CNTN4: variants seen among roughly 807,000 people sequenced by gnomAD.
CNTN4 encodes the protein contactin 4.
A neutral mutation model predicts 122.5 loss-of-function variants in CNTN4; 77 were observed. The observed-to-expected ratio is 0.63, with a 90% confidence interval of 0.52 to 0.76. The LOEUF is 0.76. Ranked by LOEUF, CNTN4 falls within the 30% of genes least tolerant of loss-of-function variation. The pLI is 0.00. For synonymous variants in CNTN4, 512 were observed against 447.0 expected (o/e 1.15, Z -1.83); for missense variants, 1,256 against 1,259.1 (o/e 1.00, Z 0.04).
At chr3:2,354,503 C>A (rs1171862280) in intron 3 of CNTN4, among the ~76,000 whole-genome samples, 1 of 152,134 alleles carries the variant, frequency 6.6e-6, no homozygotes. Flanking sequence ...TGCACTGCAG[C>A]CTGGGTGGCA....
At chr3:2,683,838 G>A (rs575378148) in intron 4 of CNTN4, among the ~76,000 whole-genome samples, 1 of 152,192 alleles carries the variant, frequency 6.6e-6, no homozygotes, top group East Asian at 1.9e-4. Context: ...ACCTGCCATA[G>A]AATCACTTGT....
At chr3:2,657,668 C>T (rs969919365) in intron 4 of CNTN4, among the ~76,000 whole-genome samples, 3 of 152,032 alleles carry the variant, frequency 2.0e-5, no homozygotes, top group Non-Finnish European at 4.4e-5. Context: ...ATGGGTGAGT[C>T]ATGCATCGGA....
chr3:2,849,283 A>G (rs1559577090), intron 7 of CNTN4, among the ~76,000 whole-genome samples: 1 of 152,248 alleles, frequency 6.6e-6, no homozygotes, highest in Non-Finnish European at 1.5e-5. Flanking sequence ...ACCAGGCAGA[A>G]GGGATACAGA....
intron 14 of CNTN4, among the ~76,000 whole-genome samples, chr3:3,006,129 G>A (rs927266941): frequency 2.6e-5 from 4 of 152,064 alleles, no homozygotes; most frequent in African/African-American, 7.2e-5. Flanking sequence ...GCCCGCCTCG[G>A]CCTCCCAAGG....
rs560017584 is a variant in CNTN4, at chr3:2,305,184, A to G, written c.-144-33994A>G. 1.1e-4 allele frequency among the ~76,000 whole-genome samples: 17 copies of G among 152,192 alleles called. No individual in the cohort carries two copies. In the South Asian group the frequency reaches 3.5e-3, roughly 32 times the overall value. ...TGTAGTTCCCACAGTTATTGGTGCT[A>G]GAAATTTCTGATTCTACTCTGGCCT... On this transcript the variant is annotated intron_variant, in intron 2 of 24. Transcript: ENST00000418658.
intron 14 of CNTN4, among the ~76,000 whole-genome samples, chr3:2,995,934 G>A (rs1228223866): frequency 2.0e-5 from 3 of 152,134 alleles, no homozygotes; most frequent in African/African-American, 7.2e-5. Flanking sequence ...GGTGTTCCTT[G>A]TGTTGTTGTT....
chr3:3,009,105 T>C (rs1696928477), intron 14 of CNTN4: 8 of 856,900 alleles, frequency 9.3e-6, no homozygotes, highest in Non-Finnish European at 1.1e-5. Flanking sequence ...TACCATGCCT[T>C]GCCCTGGCAT....
At position 2,385,152 on chromosome 3, in the gene CNTN4, C is replaced by A. The variant is rs891254084; in HGVS notation, c.-89+45919C>A. ...AAACATATCATTTTCTACTTTAAAC[C>A]ATAATCCATAACTCATATCAACAAG... is the stretch of plus-strand genomic sequence containing the variant. On this transcript the variant is annotated intron_variant, in intron 3 of 24. Transcript: ENST00000418658. The surrounding 1 kb of genome is among the most constrained non-coding windows in gnomAD (Gnocchi z 4.0). 3.9e-5 allele frequency among the ~76,000 whole-genome samples: 6 copies of A among 152,076 alleles called. No individual in the cohort carries two copies. The highest frequency in any genetic ancestry group is 1.3e-4 in the Admixed American group (2 of 15,266).
intron 13 of CNTN4, among the ~76,000 whole-genome samples, chr3:2,933,678 T>C (rs1559686769): frequency 1.3e-5 from 2 of 152,202 alleles, no homozygotes; most frequent in South Asian, 2.1e-4. Flanking sequence ...GCCTTTTCTA[T>C]TGGGCTTTCT....
At chr3:2,934,130 T>C (rs2094548202) in intron 13 of CNTN4, among the ~76,000 whole-genome samples, 1 of 152,138 alleles carries the variant, frequency 6.6e-6, no homozygotes. Flanking sequence ...AACGTTACCT[T>C]GGGCAGAGTA....
intron 7 of CNTN4, among the ~76,000 whole-genome samples, chr3:2,863,510 G>A (rs1169212450): frequency 7.7e-6 from 1 of 129,256 alleles, no homozygotes; most frequent in Non-Finnish European, 1.7e-5. Flanking sequence ...TACAATTGGG[G>A]AAACATTACA....
intron 3 of CNTN4, among the ~76,000 whole-genome samples, chr3:2,446,101 A>G (rs754754697): frequency 6.6e-6 from 1 of 152,186 alleles, no homozygotes; most frequent in Non-Finnish European, 1.5e-5. Context: ...TCTTAAGTCC[A>G]TAATTCCCTA....
At chr3:2,187,685 C>G (rs560243852) in intron 2 of CNTN4, among the ~76,000 whole-genome samples, 1 of 152,266 alleles carries the variant, frequency 6.6e-6, no homozygotes, top group East Asian at 1.9e-4. Context: ...TTACCGTCTG[C>G]CCTAACCTGA....
At chr3:2,789,431 C>T (rs1025635681) in intron 6 of CNTN4, among the ~76,000 whole-genome samples, 1 of 152,138 alleles carries the variant, frequency 6.6e-6, no homozygotes, top group African/African-American at 2.4e-5. Context: ...GGATGCAACT[C>T]AGATTTCTTT....
In CNTN4 at chr3:3,050,803, C is replaced by A. The variant is rs568932657; in HGVS notation, c.2812-3004C>A. 3.1e-4 allele frequency among the ~76,000 whole-genome samples: 46 copies of A among 147,286 alleles called. 1 individual carries two copies. Among genetic ancestry groups the A allele is most frequent in the Admixed American group, 3.0e-3 (44 of 14,738 alleles). ...AAAAAATCCAGGCTCTGGAGCCAGACTGCCTAGGTTTGAATGCAGGATCCG... is the reference window on the plus strand; with the variant it reads ...AAAAAATCCAGGCTCTGGAGCCAGAATGCCTAGGTTTGAATGCAGGATCCG... On this transcript the variant is annotated intron_variant, in intron 23 of 24. Coordinates refer to ENST00000418658, the MANE Select transcript of CNTN4 (RefSeq NM_175607.3).
At chr3:2,747,715 A>G (rs2089871328) in intron 6 of CNTN4, among the ~76,000 whole-genome samples, 1 of 152,274 alleles carries the variant, frequency 6.6e-6, no homozygotes, top group East Asian at 1.9e-4. Flanking sequence ...TGCTCATTCC[A>G]CTTCATGTGT....
rs564500345 is a variant in CNTN4, at chr3:2,325,774, G to A, written c.-144-13404G>A. On this transcript the variant is annotated intron_variant, in intron 2 of 24. Coordinates refer to ENST00000418658, the MANE Select transcript of CNTN4 (RefSeq NM_175607.3). ...TTATATATTTTATGTGATTTGAAAC[G>A]ATTGTGATTTATATTTCATTATGTA... Among the ~76,000 whole-genome samples the A allele has an allele frequency of 9.2e-5, 14 of 152,290 alleles. 1 individual carries two copies. The South Asian group carries it at 2.5e-3, about 27-fold the overall frequency.
intron 3 of CNTN4, among the ~76,000 whole-genome samples, chr3:2,514,217 C>T (rs1323193103): frequency 6.6e-6 from 1 of 152,176 alleles, no homozygotes; most frequent in Non-Finnish European, 1.5e-5. Context: ...TTTATAACGT[C>T]CTCAGCGGCA....
intron 3 of CNTN4, among the ~76,000 whole-genome samples, chr3:2,524,782 G>A (rs1382876): frequency 0.5 from 76,139 of 151,922 alleles, 19,527 homozygotes; most frequent in East Asian, 0.75. Flanking sequence ...CAAAAAAAGA[G>A]TATGTCATTT....
Sources: allele counts gnomAD v4.1 joint callset (sites outside exome capture counted in the v4.1 genomes callset), GRCh38; gene constraint gnomAD v4.1.1; non-coding constraint Gnocchi (gnomAD v3.1); transcripts MANE v1.5; gene names NCBI Gene and HGNC (gene_info 2026-07-23, HGNC 2026-07-21).